CLYBL: variants seen among roughly 807,000 people sequenced by gnomAD.
The protein encoded by CLYBL is citramalyl-CoA lyase, also known as citramalyl-CoA lyase, mitochondrial.
CLYBL carries 31 observed loss-of-function variants against 38.9 expected under a neutral mutation model. The ratio of observed to expected loss-of-function variants is 0.80; its 90% CI spans 0.60 to 1.08. The LOEUF is 1.08. Among genes scored for constraint, CLYBL ranks in the 50% least tolerant of loss-of-function variants. The probability of loss-of-function intolerance (pLI) is 0.00; values close to 1 mark genes in which losing one functional copy is unlikely to be tolerated. For synonymous variants in CLYBL, 171 were observed against 158.6 expected (o/e 1.08, Z -0.59); for missense variants, 434 against 411.6 (o/e 1.05, Z -0.47).
At chr13:99,703,296 A>G (rs551729883) in intron 1 of CLYBL, among the ~76,000 whole-genome samples, 2 of 152,226 alleles carry the variant, frequency 1.3e-5, no homozygotes, top group East Asian at 3.9e-4. Flanking sequence ...TCTTAGTATG[A>G]TATCAGGTTT....
chr13:99,695,022 G>A (rs9585192), intron 1 of CLYBL, among the ~76,000 whole-genome samples: 2,633 of 151,738 alleles, frequency 0.017, 65 homozygotes, highest in African/African-American at 0.06. Flanking sequence ...TTGGCCTCAG[G>A]TTCCTCATCC....
chr13:99,745,713 A>G (rs2048838277), intron 1 of CLYBL, among the ~76,000 whole-genome samples: 1 of 152,244 alleles, frequency 6.6e-6, no homozygotes, highest in African/African-American at 2.4e-5. Context: ...AAAGCCACAT[A>G]CACGTGATTC....
At chr13:99,610,166 C>T (rs2046604585) in intron 1 of CLYBL, among the ~76,000 whole-genome samples, 1 of 152,208 alleles carries the variant, frequency 6.6e-6, no homozygotes, top group Non-Finnish European at 1.5e-5. Context: ...GCCTCCAAAG[C>T]AGTGGAATTC....
chr13:99,880,813 C>T (rs760154076), intron 7 of CLYBL, among the ~76,000 whole-genome samples: 1 of 152,238 alleles, frequency 6.6e-6, no homozygotes, highest in Non-Finnish European at 1.5e-5. Context: ...TGAGTGACAG[C>T]CAGAGAGCTA....
At chr13:99,828,755 G>A in intron 2 of CLYBL, among the ~76,000 whole-genome samples, 1 of 152,096 alleles carries the variant, frequency 6.6e-6, no homozygotes, top group East Asian at 1.9e-4. Flanking sequence ...ATTTATCTGG[G>A]AATTTAGAAA....
chr13:99,820,771 G>A (rs569016544), intron 2 of CLYBL, among the ~76,000 whole-genome samples: 1 of 152,122 alleles, frequency 6.6e-6, no homozygotes, highest in Non-Finnish European at 1.5e-5. Context: ...TTAGAGGAGC[G>A]GAAGGAGCTC....
chr13:99,716,732 A>G (rs1340613348), intron 1 of CLYBL, among the ~76,000 whole-genome samples: 1 of 145,978 alleles, frequency 6.9e-6, no homozygotes, highest in Non-Finnish European at 1.5e-5. Context: ...TCAGAAATGA[A>G]TTGGGAAAAA....
chr13:99,893,169 C>A (rs1395379455), downstream of CLYBL: 1 of 152,500 alleles, frequency 6.6e-6, no homozygotes, highest in Non-Finnish European at 1.5e-5. Context: ...TGGGAGCTAG[C>A]CCCATCCTCA....
At chr13:99,679,743 GA>G (rs1329055334) in intron 1 of CLYBL, among the ~76,000 whole-genome samples, 4 of 151,800 alleles carry the variant, frequency 2.6e-5, no homozygotes, top group African/African-American at 9.7e-5. Flanking sequence ...GGTGGGGGGG[GA>G]AATGTCTGGT....
At chr13:99,675,773 A>G (rs2047635177) in intron 1 of CLYBL, among the ~76,000 whole-genome samples, 1 of 152,168 alleles carries the variant, frequency 6.6e-6, no homozygotes, top group Non-Finnish European at 1.5e-5. Flanking sequence ...TTATTTATTC[A>G]TTGATTAGTT....
chr13:99,862,671 G>C (rs1474748180), intron 3 of CLYBL, among the ~76,000 whole-genome samples: 1 of 152,020 alleles, frequency 6.6e-6, no homozygotes. Flanking sequence ...ACGAAGCGAG[G>C]GCAAGAGGTC....
intron 2 of CLYBL, among the ~76,000 whole-genome samples, chr13:99,801,140 G>A (rs2050127839): frequency 6.6e-6 from 1 of 152,084 alleles, no homozygotes; most frequent in South Asian, 2.1e-4. Flanking sequence ...CTGTCACCAG[G>A]TGCCCCCCCT....
At chr13:99,626,098 G>A (rs182518201) in intron 1 of CLYBL, among the ~76,000 whole-genome samples, 2 of 152,320 alleles carry the variant, frequency 1.3e-5, no homozygotes, top group Non-Finnish European at 2.9e-5. Flanking sequence ...CTGAAACGAA[G>A]ATGCCATGGC....
In CLYBL at chr13:99,707,418, C is replaced by T. The variant is rs1303447548; in HGVS notation, c.63-65406C>T. On this transcript the variant is annotated intron_variant, in intron 1 of 8. Coordinates refer to ENST00000339105, the MANE Select transcript of CLYBL (RefSeq NM_206808.5). The stretch of plus-strand genomic sequence containing the variant: ...CCAGGTAGCTGTGTTTACAGTCATG[C>T]GCCACCACGCCCGGCTAATTTTTTT... Among the ~76,000 whole-genome samples, 11 of 151,878 alleles carry T rather than the reference C, an allele frequency of 7.2e-5. No homozygotes were observed. In the East Asian group the frequency reaches 1.4e-3, roughly 19 times the overall value.
At chr13:99,868,126 CAG>C (rs1566360583) in intron 6 of CLYBL, among the ~76,000 whole-genome samples, 2 of 151,992 alleles carry the variant, frequency 1.3e-5, no homozygotes, top group Admixed American at 6.6e-5. Flanking sequence ...TGGGAAGGCA[CAG>C]AGGGCACAGT....
At position 99,796,878 on chromosome 13, in the gene CLYBL, C is replaced by T. The variant is rs2050032344; in HGVS notation, c.249+23868C>T. Reference sequence around the variant, plus strand: ...CTACTCCATCTAGTCAGTCACCACACCCTAATGTTATGACTTACTTCATAC... The same window carrying T: ...CTACTCCATCTAGTCAGTCACCACATCCTAATGTTATGACTTACTTCATAC... On this transcript the variant is annotated intron_variant, in intron 2 of 8. Transcript: ENST00000339105. Among the ~76,000 whole-genome samples, 3 of 152,118 alleles carry T rather than the reference C, an allele frequency of 2.0e-5. No individual in the cohort carries two copies. In the South Asian group the frequency reaches 6.2e-4, roughly 32 times the overall value.
At position 99,812,101 on chromosome 13, in the gene CLYBL, C is replaced by T. The variant is rs550739928; in HGVS notation, c.249+39091C>T. Among the ~76,000 whole-genome samples the T allele has an allele frequency of 2.0e-5, 3 of 152,330 alleles. 1 individual carries two copies. Among genetic ancestry groups the T allele is most frequent in the African/African-American group, 7.2e-5 (3 of 41,586 alleles). ...GACCTAAACTGCTGTGAGACTGAGACTTCTTCCTCATAGTGTGACTGTTCC... is the reference window on the plus strand; with the variant it reads ...GACCTAAACTGCTGTGAGACTGAGATTTCTTCCTCATAGTGTGACTGTTCC... On this transcript the variant is annotated intron_variant, in intron 2 of 8. Transcript: ENST00000339105.
At chr13:99,674,621 C>G (rs2047616892) in intron 1 of CLYBL, among the ~76,000 whole-genome samples, 1 of 152,058 alleles carries the variant, frequency 6.6e-6, no homozygotes, top group Non-Finnish European at 1.5e-5. Flanking sequence ...CCCGTTTCCC[C>G]ACGAAGACCT....
intron 2 of CLYBL, 50 bp downstream of exon 2, chr13:99,773,060 TC>T (rs775056914): frequency 6.6e-7 from 1 of 1,521,202 alleles, no homozygotes; most frequent in South Asian, 1.2e-5. Context: ...GAAATTTGCT[TC>T]TCTTCCGAAT....
Sources: gnomAD v4.1 joint callset for allele counts (sites outside exome capture counted in the v4.1 genomes callset) on GRCh38, gnomAD v4.1.1 for gene constraint, MANE v1.5 for transcripts, NCBI Gene and HGNC (gene_info 2026-07-23, HGNC 2026-07-21) for gene names.